The following TSPAN7 variants were observed in gnomAD, a reference collection of about 807,000 sequenced individuals.
The protein encoded by TSPAN7 is tetraspanin-7.
Under a neutral mutation model 17.6 loss-of-function variants are expected in TSPAN7, and 1 was observed. That is an observed-to-expected ratio of 0.06 (90% confidence interval 0.02 to 0.27). TSPAN7 has a LOEUF of 0.27. TSPAN7 is among the 10% of genes least tolerant of loss of function. TSPAN7 has a pLI of 1.00. For missense variants in TSPAN7, 112 were observed against 201.7 expected (o/e 0.56, Z 2.69); for synonymous variants, 78 against 79.0 (o/e 0.99, Z 0.07).
intron 1 of TSPAN7, among the ~76,000 whole-genome samples, chrX:38,663,297 G>T (rs1444795824): frequency 8.9e-6 from 1 of 112,078 alleles, no homozygotes; most frequent in African/African-American, 3.2e-5. Context: ...AAGTAACTCA[G>T]AAATGGAAAA....
At chrX:38,671,222 A>C (rs1453633256) in intron 2 of TSPAN7, among the ~76,000 whole-genome samples, 154 bp from the exon 3 acceptor site, 1 of 112,244 alleles carries the variant, frequency 8.9e-6, no homozygotes, top group Non-Finnish European at 1.9e-5. Flanking sequence ...ATGTGGGTAA[A>C]TTTAGAGACG....
Position 38,640,173 on chromosome X carries a change from G to A in TSPAN7, c.82-25948G>A, listed in dbSNP as rs149348378. Among the ~76,000 whole-genome samples, 850 of 111,378 alleles carry A rather than the reference G, an allele frequency of 7.6e-3. 6 individuals are homozygous for A. The highest frequency in any genetic ancestry group is 0.013 in the Non-Finnish European group (715 of 53,053). On this transcript the variant is annotated intron_variant, in intron 1 of 7. Transcript: ENST00000378482. ...TTCATTGCATTTTAGAAGCCTGAAG[G>A]TAATTGAAATTTAGTTTTTCAGGAT...
At chrX:38,583,606 GAA>G (rs1165285548) in intron 1 of TSPAN7, among the ~76,000 whole-genome samples, 2 of 111,945 alleles carry the variant, frequency 1.8e-5, no homozygotes, top group Non-Finnish European at 3.8e-5. Context: ...TGTTCCAAAG[GAA>G]AGAGTTCACG....
rs773186955 is a variant in TSPAN7, at chrX:38,658,704, G to A, written c.82-7417G>A. 8.1e-5 allele frequency among the ~76,000 whole-genome samples: 9 copies of A among 110,779 alleles called. No homozygotes were observed. The East Asian group carries it at 2.3e-3, about 28-fold the overall frequency. On this transcript the variant is annotated intron_variant, in intron 1 of 7. Transcript: ENST00000378482. ...CTGTTTCCCAAGATTCGTTGTTCCC[G>A]CTTAGCTGTCACTTCTGGCCTCAGC...
At position 38,653,444 on chromosome X, in the gene TSPAN7, T is replaced by C; in HGVS notation, c.82-12677T>C. The stretch of plus-strand genomic sequence containing the variant: ...CATATATGTTGCACCTGTGGCCTCT[T>C]GTTTCTCTTCTCAGGGCCAAAACCA... On this transcript the variant is annotated intron_variant, in intron 1 of 7. Coordinates refer to ENST00000378482, the MANE Select transcript of TSPAN7 (RefSeq NM_004615.4). Among the ~76,000 whole-genome samples, 3 of 111,769 alleles carry C rather than the reference T, an allele frequency of 2.7e-5. No homozygotes were observed. In the Admixed American group the frequency reaches 2.8e-4, roughly 11 times the overall value.
intron 1 of TSPAN7, among the ~76,000 whole-genome samples, chrX:38,649,885 G>C (rs767530184): frequency 1.8e-5 from 2 of 112,197 alleles, no homozygotes; most frequent in African/African-American, 3.2e-5. Flanking sequence ...TTGCTGATAA[G>C]ATGGGGCATT....
At chrX:38,650,037 G>A (rs1268087066) in intron 1 of TSPAN7, among the ~76,000 whole-genome samples, 1 of 112,143 alleles carries the variant, frequency 8.9e-6, no homozygotes, top group African/African-American at 3.2e-5. Flanking sequence ...GTTTGAATTG[G>A]GAATGCTCTA....
At chrX:38,601,315 G>T (rs1341291665) in intron 1 of TSPAN7, among the ~76,000 whole-genome samples, 2 of 111,497 alleles carry the variant, frequency 1.8e-5, no homozygotes, top group Non-Finnish European at 3.8e-5. Context: ...AGAGTCAAGG[G>T]AGTAATTTCT....
chrX:38,563,854 A>G lies in TSPAN7; in HGVS notation c.81+2227A>G, dbSNP rs983394273. On this transcript the variant is annotated intron_variant, in intron 1 of 7. Coordinates refer to ENST00000378482, the MANE Select transcript of TSPAN7 (RefSeq NM_004615.4). ...TCATACTTACAACCAAAAGAATAAG[A>G]TCTCTTCGGATGTGTGAGGATATTT... Among the ~76,000 whole-genome samples, 15 of 111,503 alleles carry G rather than the reference A, an allele frequency of 1.3e-4. No individual in the cohort carries two copies. The East Asian group carries it at 4.2e-3, about 31-fold the overall frequency.
intron 1 of TSPAN7, among the ~76,000 whole-genome samples, chrX:38,630,974 G>A (rs2069547313): frequency 8.9e-6 from 1 of 112,285 alleles, no homozygotes; most frequent in African/African-American, 3.2e-5. Context: ...GTCAAAGAGG[G>A]ATGGATATAT....
At position 38,674,069 on chromosome X, in the gene TSPAN7, C is replaced by A. The variant is rs895621259; in HGVS notation, c.346-152C>A. 4 of 514,115 alleles carry A rather than the reference C, an allele frequency of 7.8e-6. No homozygotes were observed. The East Asian group carries it at 1.5e-4, about 19-fold the overall frequency. 42.4% of individuals were successfully genotyped at this position (514,115 alleles called of 1,213,427 possible). ...AAAACCCCCTGGTGAATTTTCTGAG[C>A]TTTTCCATCTCAGAAAATGGGGCAT... On this transcript the variant is annotated intron_variant, in intron 3 of 7. Transcript: ENST00000378482.
chrX:38,654,067 G>C (rs150500688), intron 1 of TSPAN7, among the ~76,000 whole-genome samples: 43 of 111,943 alleles, frequency 3.8e-4, no homozygotes, highest in African/African-American at 1.4e-3. Flanking sequence ...TAGGAGTAAA[G>C]GGTTGAGGAG....
chrX:38,618,443 G>C (rs2069468828), intron 1 of TSPAN7, among the ~76,000 whole-genome samples: 1 of 111,621 alleles, frequency 9.0e-6, no homozygotes, highest in Non-Finnish European at 1.9e-5. Context: ...TGGTTGGGTG[G>C]GTGTTCTTGA....
intron 1 of TSPAN7, among the ~76,000 whole-genome samples, chrX:38,594,895 C>T (rs953354894): frequency 9.0e-5 from 10 of 110,985 alleles, no homozygotes; most frequent in Non-Finnish European, 1.7e-4. Context: ...CTGTATTTTG[C>T]CTTTTTTACT....
intron 1 of TSPAN7, among the ~76,000 whole-genome samples, chrX:38,658,157 G>T (rs1440981060): frequency 1.8e-5 from 2 of 110,664 alleles, no homozygotes; most frequent in Non-Finnish European, 3.8e-5. Context: ...CAGGATCAAT[G>T]AATTGTGCTG....
chrX:38,567,971 C>A (rs1021220995), intron 1 of TSPAN7, among the ~76,000 whole-genome samples: 6 of 111,815 alleles, frequency 5.4e-5, no homozygotes, highest in African/African-American at 1.9e-4. Flanking sequence ...ACTTGCATAG[C>A]TTTTTGTTTT....
At chrX:38,590,350 T>A (rs2069284211) in intron 1 of TSPAN7, among the ~76,000 whole-genome samples, 1 of 112,397 alleles carries the variant, frequency 8.9e-6, no homozygotes, top group African/African-American at 3.2e-5. Flanking sequence ...TTAGAATTTA[T>A]GCATCAATTT....
At chrX:38,576,559 G>A (rs1310818319) in intron 1 of TSPAN7, among the ~76,000 whole-genome samples, 1 of 111,966 alleles carries the variant, frequency 8.9e-6, no homozygotes, top group African/African-American at 3.2e-5. Flanking sequence ...TTTGATTGAA[G>A]CTTTGTAATA....
At chrX:38,575,072 G>T (rs1390411242) in intron 1 of TSPAN7, among the ~76,000 whole-genome samples, 1 of 111,219 alleles carries the variant, frequency 9.0e-6, no homozygotes, top group East Asian at 2.8e-4. Flanking sequence ...CTGTAGAGAG[G>T]GCCACATGAC....
Sources: gnomAD v4.1 joint callset for allele counts (sites outside exome capture counted in the v4.1 genomes callset) on GRCh38, gnomAD v4.1.1 for gene constraint, MANE v1.5 for transcripts, NCBI Gene and HGNC (gene_info 2026-07-23, HGNC 2026-07-21) for gene names.